GALNT1: variants seen among roughly 807,000 people sequenced by gnomAD.
GALNT1 encodes polypeptide N-acetylgalactosaminyltransferase 1.
A neutral mutation model predicts 65.7 loss-of-function variants in GALNT1; 17 were observed. The ratio of observed to expected loss-of-function variants is 0.26; its 90% CI spans 0.18 to 0.39. The LOEUF (loss-of-function observed/expected upper bound fraction) is 0.39, where lower values mean the gene tolerates loss of function less well. GALNT1 is among the 10% of genes least tolerant of loss of function. The probability of loss-of-function intolerance (pLI) is 1.00; values close to 1 mark genes in which losing one functional copy is unlikely to be tolerated. For synonymous variants in GALNT1, 210 were observed against 219.7 expected (o/e 0.96, Z 0.39); for missense variants, 460 against 672.8 (o/e 0.68, Z 3.50).
chr18:35,587,653 T>C (rs979390920), intron 1 of GALNT1, among the ~76,000 whole-genome samples: 38 of 152,214 alleles, frequency 2.5e-4, no homozygotes, highest in Non-Finnish European at 4.6e-4. Context: ...TATTGATTTA[T>C]TTTTTAAATA....
chr18:35,600,847 TC>T (rs2046573273), intron 1 of GALNT1, among the ~76,000 whole-genome samples: 1 of 152,188 alleles, frequency 6.6e-6, no homozygotes, highest in Admixed American at 6.5e-5. Flanking sequence ...GCTAGCATTT[TC>T]TTGAGGATTT....
At chr18:35,635,499 C>T (rs904649726) in intron 1 of GALNT1, among the ~76,000 whole-genome samples, 1 of 152,194 alleles carries the variant, frequency 6.6e-6, no homozygotes. Context: ...GAACATAGTT[C>T]TCAGAGTTTG....
At chr18:35,620,501 C>T (rs2046837175) in intron 1 of GALNT1, among the ~76,000 whole-genome samples, 1 of 152,088 alleles carries the variant, frequency 6.6e-6, no homozygotes, top group African/African-American at 2.4e-5. Flanking sequence ...ATAGTTGAAG[C>T]CCTTCCCTTC....
chr18:35,592,111 CAGGG>C (rs922777841), intron 1 of GALNT1, among the ~76,000 whole-genome samples: 2 of 152,038 alleles, frequency 1.3e-5, no homozygotes, highest in African/African-American at 4.8e-5. Flanking sequence ...ATGATGAAAA[CAGGG>C]AGTGGTAGAA....
chr18:35,581,698 G>A (rs1259926229), upstream of GALNT1: 1 of 58 alleles, frequency 0.017, no homozygotes, highest in Non-Finnish European at 0.042. Flanking sequence ...CGGCGGAGCG[G>A]GGCCCGGCCG....
At chr18:35,689,114 C>G in intron 6 of GALNT1, 59 bp from the exon 7 acceptor site, 1 of 1,143,770 alleles carries the variant, frequency 8.7e-7, no homozygotes, top group Non-Finnish European at 1.3e-6. Flanking sequence ...CTTTTAAAAA[C>G]AAAAACTGAT....
chr18:35,596,792 A>T (rs1005304895), intron 1 of GALNT1: 3 of 151,944 alleles, frequency 2.0e-5, no homozygotes, highest in African/African-American at 7.3e-5. Context: ...TGGCTTTCTC[A>T]CTGTATTTAC....
intron 3 of GALNT1, among the ~76,000 whole-genome samples, chr18:35,673,563 C>T (rs2047664796): frequency 6.6e-6 from 1 of 152,108 alleles, no homozygotes; most frequent in African/African-American, 2.4e-5. Context: ...AATAAAAAGT[C>T]AGGAGGACCC....
intron 4 of GALNT1, among the ~76,000 whole-genome samples, chr18:35,680,082 A>G (rs1184291176): frequency 7.2e-5 from 11 of 152,116 alleles, no homozygotes; most frequent in Admixed American, 7.2e-4. Flanking sequence ...CCCACCTGGC[A>G]TCTCCAGTCA....
chr18:35,606,820 T>TG (rs2046653768), intron 1 of GALNT1, among the ~76,000 whole-genome samples: 2 of 130,212 alleles, frequency 1.5e-5, no homozygotes, highest in Admixed American at 8.8e-5. Context: ...TTGTTGATGT[T>TG]TTGTGTGTGT....
intron 9 of GALNT1, 33 bp from the exon 10 acceptor site, chr18:35,702,864 C>A: frequency 1.4e-6 from 2 of 1,438,572 alleles, no homozygotes; most frequent in Non-Finnish European, 9.6e-7. Context: ...ACTTCTCCAA[C>A]TCCTGATATT....
Position 35,711,134 on chromosome 18 carries a change from C to CTGAG in GALNT1, c.*1367_*1370dup, listed in dbSNP as rs1487136262. 6.6e-6 allele frequency: 1 copy of CTGAG among 151,630 alleles called. No homozygotes were observed. Among genetic ancestry groups the CTGAG allele is most frequent in the Non-Finnish European group, 1.5e-5 (1 of 67,952 alleles). The allele number at this position is 151,630 out of a possible 1,614,324, so 9.4% of individuals were successfully genotyped here. On this transcript the variant is annotated 3_prime_UTR_variant, in exon 12 of 12. Transcript: ENST00000269195. The stretch of plus-strand genomic sequence containing the variant: ...ATTTTTTTTAATACCACAGAATCAC[C>CTGAG]TGAGTGTCAATTGAAAGTTGTCAAT...
intron 1 of GALNT1, among the ~76,000 whole-genome samples, chr18:35,633,346 A>G (rs548725567): frequency 2.0e-5 from 3 of 152,312 alleles, no homozygotes; most frequent in Admixed American, 6.5e-5. Flanking sequence ...CATATACACC[A>G]TGGAATACTG....
At chr18:35,593,126 A>G (rs2046464428) in intron 1 of GALNT1, among the ~76,000 whole-genome samples, 2 of 152,268 alleles carry the variant, frequency 1.3e-5, no homozygotes, top group African/African-American at 2.4e-5. Context: ...GGAAGCACTG[A>G]AGAAATCTAT....
At chr18:35,664,997 A>G (rs566941939) in intron 3 of GALNT1, among the ~76,000 whole-genome samples, 1 of 152,322 alleles carries the variant, frequency 6.6e-6, no homozygotes, top group Admixed American at 6.5e-5. Flanking sequence ...TGACTTGGGA[A>G]AGTTTCCAAC....
At chr18:35,666,814 A>G (rs2047555493) in intron 3 of GALNT1, among the ~76,000 whole-genome samples, 1 of 152,172 alleles carries the variant, frequency 6.6e-6, no homozygotes, top group African/African-American at 2.4e-5. Flanking sequence ...AAAGCTGCCA[A>G]TACACAGTCC....
intron 1 of GALNT1, among the ~76,000 whole-genome samples, chr18:35,637,054 T>C (rs1165197521): frequency 6.6e-6 from 1 of 152,178 alleles, no homozygotes; most frequent in Non-Finnish European, 1.5e-5. Flanking sequence ...TCAATAAATG[T>C]CTTTTCTGAC....
intron 1 of GALNT1, among the ~76,000 whole-genome samples, chr18:35,590,705 C>G (rs2046433113): frequency 1.3e-5 from 2 of 149,518 alleles, no homozygotes; most frequent in Non-Finnish European, 1.5e-5. Context: ...TATTGAAACT[C>G]TCATTTGTCC....
intron 4 of GALNT1, among the ~76,000 whole-genome samples, chr18:35,679,553 T>A (rs1398100582): frequency 6.6e-6 from 1 of 152,140 alleles, no homozygotes; most frequent in African/African-American, 2.4e-5. Context: ...TGAGCAGATG[T>A]CTACCTCACT....
Sources: gnomAD v4.1 joint callset for allele counts (sites outside exome capture counted in the v4.1 genomes callset) on GRCh38, gnomAD v4.1.1 for gene constraint, MANE v1.5 for transcripts, NCBI Gene and HGNC (gene_info 2026-07-23, HGNC 2026-07-21) for gene names.